Variants in HELQ observed in about 807,000 individuals in gnomAD.
HELQ encodes the protein helicase POLQ-like.
Under a neutral mutation model 111.6 loss-of-function variants are expected in HELQ, and 77 were observed. The observed-to-expected ratio is 0.69, with a 90% confidence interval of 0.57 to 0.83. HELQ has a LOEUF of 0.83. Ranked by LOEUF, HELQ falls within the 40% of genes least tolerant of loss-of-function variation. The pLI is 0.00. For synonymous variants in HELQ, 438 were observed against 454.7 expected (o/e 0.96, Z 0.47); for missense variants, 1,200 against 1,288.5 (o/e 0.93, Z 1.05).
rs762266969 is a variant in HELQ, at chr4:83,453,452, C to G, written c.791G>C (p.Ser264Thr). The G allele has an allele frequency of 6.2e-7, 1 of 1,606,020 alleles. No homozygotes were observed. Among genetic ancestry groups the G allele is most frequent in the South Asian group, 1.1e-5 (1 of 89,126 alleles). ...GGCATTTTTTAGATGATCTTTAATACTTTTTCTCCTGTTCATATCTGAACT... is the reference window on the plus strand; with the variant it reads ...GGCATTTTTTAGATGATCTTTAATAGTTTTTCTCCTGTTCATATCTGAACT... ...RTSSDMNRRKSIKDHLKNAMT... is the reference protein window; with the variant it reads ...RTSSDMNRRKTIKDHLKNAMT... Residue 264 changes from serine to threonine, a missense_variant, in exon 2 of 18, where the codon AGT becomes ACT. By Grantham distance (58) the Ser-to-Thr change is moderately conservative. This residue lies in a region of HELQ where 610 missense variants were observed against 607.1 expected (regional missense o/e 1.00). Transcript: ENST00000295488.
chr4:83,424,668 C>A (rs1238622846), intron 14 of HELQ, among the ~76,000 whole-genome samples: 6 of 152,156 alleles, frequency 3.9e-5, no homozygotes, highest in Non-Finnish European at 4.4e-5. Flanking sequence ...CGTGAGTCTC[C>A]TGCCTCAGCC....
chr4:83,416,967 G>A, intron 16 of HELQ, 102 bp from the exon 17 acceptor site: 3 of 988,728 alleles, frequency 3.0e-6, no homozygotes, highest in Non-Finnish European at 4.4e-6. Context: ...TAAGAGACTG[G>A]GATAAAATAA....
At chr4:83,454,074 T>C (rs943711844) in intron 1 of HELQ, 129 bp from the exon 2 acceptor site, 4 of 662,564 alleles carry the variant, frequency 6.0e-6, no homozygotes, top group African/African-American at 5.4e-5. Flanking sequence ...CATAGTGGCA[T>C]GCTCCTGTAA....
rs1291903291 is a variant in HELQ, at chr4:83,437,043, C to G, written c.1863G>C (p.Lys621Asn). The change falls in exon 9 of 18, where the codon AAG becomes AAC. Residue 621 changes from lysine (K) to asparagine (N), a missense_variant. Around this residue, in one of 3 missense-constraint regions of HELQ, gnomAD observed 585 missense variants for 665.3 expected, o/e 0.88. Transcript: ENST00000295488. Reference protein sequence around the residue: ...KEKCEVIKNLKNIGNGNLCPV... With the variant: ...KEKCEVIKNLNNIGNGNLCPV... ...GACACAGGTTGCCATTGCCAATATT[C>G]TTCAAGTTCTTAATCACCTCACATT... 6.2e-7 allele frequency: 1 copy of G among 1,613,812 alleles called. No individual in the cohort carries two copies. The highest frequency in any genetic ancestry group is 2.2e-5 in the East Asian group (1 of 44,878).
At chr4:83,433,965 GC>G (rs1720305128) in intron 9 of HELQ, among the ~76,000 whole-genome samples, 1 of 139,014 alleles carries the variant, frequency 7.2e-6, no homozygotes, top group Non-Finnish European at 1.5e-5. Context: ...TGGAGACAAA[GC>G]GAGACTCTGT....
In HELQ at chr4:83,439,934, G is replaced by T; in HGVS notation, c.1737C>A (p.Ser579=). Residue 579 remains serine (S), a synonymous_variant, in exon 8 of 18, where the codon TCC becomes TCA. Coordinates refer to ENST00000295488, the MANE Select transcript of HELQ (RefSeq NM_133636.5). ...TCTTACTAGGACAAAAAACTAAGCA[G>T]GAATAATTGGGAATAACTTCTGTCA... is the stretch of plus-strand genomic sequence containing the variant. The part of the protein sequence containing the change: ...ALVTEVIPNY[S]CLVFCPSKKN... 1 of 1,608,390 alleles carries T rather than the reference G, an allele frequency of 6.2e-7. No homozygotes were observed. Among genetic ancestry groups the T allele is most frequent in the Non-Finnish European group, 8.5e-7 (1 of 1,175,446 alleles).
intron 14 of HELQ, among the ~76,000 whole-genome samples, chr4:83,425,667 A>G (rs1248087049): frequency 6.6e-6 from 1 of 152,222 alleles, no homozygotes; most frequent in African/African-American, 2.4e-5. Context: ...TTGATACCAA[A>G]TAGAAAGCCT....
chr4:83,446,704 T>C, intron 4 of HELQ, 131 bp downstream of exon 4: 3 of 592,458 alleles, frequency 5.1e-6, no homozygotes, highest in South Asian at 2.6e-5. Flanking sequence ...TCTTCACCTA[T>C]ATTGTCTATA....
In HELQ at chr4:83,448,767, A is replaced by G. The variant is rs773550317; in HGVS notation, c.1191+16T>C. Reference sequence around the variant, plus strand: ...TAGCAAATAACATTTGTTTTAAAACATACACACACACACACCTTTTCTTGG... The same window carrying G: ...TAGCAAATAACATTTGTTTTAAAACGTACACACACACACACCTTTTCTTGG... On this transcript the variant is annotated intron_variant, in intron 3 of 17. Transcript: ENST00000295488. The G allele has an allele frequency of 6.3e-7, 1 of 1,597,594 alleles. No homozygotes were observed. The highest frequency in any genetic ancestry group is 1.1e-5 in the South Asian group (1 of 88,838).
At position 83,436,961 on chromosome 4, in the gene HELQ, T is replaced by C. The variant is rs374461819; in HGVS notation, c.1945A>G (p.Ser649Gly). ...GVAYHHSGLT[S>G]DERKLLEEAY... is the part of the protein sequence containing the mutation. ...TCCTCCAAGAGTTTCCTTTCATCAC[T>C]TGTTAAGCCACTGTGGTGATAGGCA... Residue 649 changes from serine to glycine, a missense_variant, in exon 9 of 18, where the codon AGT becomes GGT. Physicochemically the swap from Ser to Gly is moderately conservative, Grantham distance 56. Transcript: ENST00000295488. The C allele has an allele frequency of 3.1e-6, 5 of 1,614,204 alleles. No individual in the cohort carries two copies. The African/African-American group carries it at 6.7e-5, about 22-fold the overall frequency.
intron 6 of HELQ, among the ~76,000 whole-genome samples, chr4:83,443,112 T>A (rs1182523963): frequency 6.6e-6 from 1 of 152,058 alleles, no homozygotes; most frequent in Non-Finnish European, 1.5e-5. Flanking sequence ...TTATAACTAC[T>A]AACATATAAA....
chr4:83,438,641 C>G lies in HELQ; in HGVS notation c.1808+1222G>C, dbSNP rs888476258. ...CCTGTAGTCCCAGCTACTTGGGAGG[C>G]TGAGGTAGGAGGATCACTTGAGCCC... On this transcript the variant is annotated intron_variant, in intron 8 of 17. Transcript: ENST00000295488. Among the ~76,000 whole-genome samples the G allele has an allele frequency of 2.7e-5, 4 of 148,236 alleles. No individual in the cohort carries two copies. In the East Asian group the frequency reaches 7.9e-4, roughly 29 times the overall value.
At position 83,441,369 on chromosome 4, in the gene HELQ, G is replaced by A; in HGVS notation, c.1598C>T (p.Thr533Ile). The change falls in exon 7 of 18, where the codon ACA (threonine) becomes ATA (isoleucine). Residue 533 changes from threonine to isoleucine, a missense_variant. By Grantham distance (89) the Thr-to-Ile change is moderately conservative (BLOSUM62 -1). This residue lies in a region of HELQ where 585 missense variants were observed against 665.3 expected (regional missense o/e 0.88). Transcript: ENST00000295488. The part of the protein sequence containing the change: ...ELKEYLKIND[T>I]IYEVDSKAEN... Reference sequence around the variant, plus strand: ...AGCTTTGCTGTCAACTTCATATATTGTATCATTTATTTTCAGATATTCTTT... The same window carrying A: ...AGCTTTGCTGTCAACTTCATATATTATATCATTTATTTTCAGATATTCTTT... 1.9e-6 allele frequency: 3 copies of A among 1,581,694 alleles called. No homozygotes were observed. The highest frequency in any genetic ancestry group is 2.3e-5 in the South Asian group (2 of 88,108).
intron 12 of HELQ, among the ~76,000 whole-genome samples, chr4:83,428,312 GT>G (rs111926706): frequency 0.012 from 1,740 of 144,790 alleles, 28 homozygotes; most frequent in African/African-American, 0.041. Flanking sequence ...GAGTTCTTAG[GT>G]TTTTTTTTTT....
chr4:83,413,189 A>G (rs1739192021), intron 17 of HELQ, among the ~76,000 whole-genome samples: 1 of 152,180 alleles, frequency 6.6e-6, no homozygotes, highest in South Asian at 2.1e-4. Context: ...CCTTTATTAT[A>G]CGCATGTTTT....
intron 2 of HELQ, among the ~76,000 whole-genome samples, chr4:83,452,303 T>C (rs1721428361): frequency 6.6e-6 from 1 of 152,170 alleles, no homozygotes; most frequent in Non-Finnish European, 1.5e-5. Flanking sequence ...TATTTTATTG[T>C]GGCTCAAGAC....
At chr4:83,450,221 T>TGAA (rs1560558802) in intron 2 of HELQ, among the ~76,000 whole-genome samples, 1 of 40,612 alleles carries the variant, frequency 2.5e-5, no homozygotes, top group East Asian at 1.4e-3. Context: ...ACAGTTAAGT[T>TGAA]TAAAAAAAAA....
chr4:83,407,352 T>G lies in HELQ; in HGVS notation c.*101A>C. ...CAAACATTATTCGTAGTTCTTAATG[T>G]ATAACTGAAATGTATTTTTTCATTT... On this transcript the variant is annotated 3_prime_UTR_variant, in exon 18 of 18. Coordinates refer to ENST00000295488, the MANE Select transcript of HELQ (RefSeq NM_133636.5). The G allele has an allele frequency of 1.4e-6, 1 of 690,020 alleles. No homozygotes were observed. The highest frequency in any genetic ancestry group is 2.4e-6 in the Non-Finnish European group (1 of 418,744). 42.7% of individuals were successfully genotyped at this position (690,020 alleles called of 1,614,324 possible). A position where few individuals can be genotyped will look rare whatever the true frequency, so the allele number is the denominator to read the frequency against.
At chr4:83,424,116 A>C (rs1266550415) in intron 14 of HELQ, among the ~76,000 whole-genome samples, 1 of 152,156 alleles carries the variant, frequency 6.6e-6, no homozygotes. Context: ...TGTCCATACT[A>C]TTTTAAATAT....
Sources: allele counts gnomAD v4.1 joint callset (sites outside exome capture counted in the v4.1 genomes callset), GRCh38; gene constraint gnomAD v4.1.1; regional missense constraint gnomAD v4.1.1; transcripts MANE v1.5; gene names NCBI Gene and HGNC (gene_info 2026-07-23, HGNC 2026-07-21).